The following TMEM132D variants were observed in gnomAD, a reference collection of about 807,000 sequenced individuals.
TMEM132D encodes mature OL transmembrane protein.
A neutral mutation model predicts 62.3 loss-of-function variants in TMEM132D; 21 were observed. That is an observed-to-expected ratio of 0.34 (90% CI 0.24 to 0.49). TMEM132D has a LOEUF of 0.49. Ranked by LOEUF, TMEM132D falls within the 20% of genes least tolerant of loss-of-function variation. The pLI is 0.99. For missense variants in TMEM132D, 1,346 were observed against 1,402.8 expected (o/e 0.96, Z 0.65); for synonymous variants, 621 against 575.6 (o/e 1.08, Z -1.13).
At chr12:129,434,578 G>A (rs528881782) in intron 3 of TMEM132D, among the ~76,000 whole-genome samples, 1 of 152,202 alleles carries the variant, frequency 6.6e-6, no homozygotes, top group South Asian at 2.1e-4. Context: ...CTGCAGAGGA[G>A]GCTCCCAGAG....
At chr12:129,432,309 GGATGGATGCTTGGATGGATGGATGGAT>G (rs1872684517) in intron 3 of TMEM132D, among the ~76,000 whole-genome samples, 1 of 149,078 alleles carries the variant, frequency 6.7e-6, no homozygotes, top group Admixed American at 6.7e-5. Flanking sequence ...ATGGATGGAT[GGATGGATGCTTGGATGGATGGATGGAT>G]GGATGGATGG....
chr12:129,248,965 AC>A (rs1252601491), intron 4 of TMEM132D, among the ~76,000 whole-genome samples: 1 of 152,106 alleles, frequency 6.6e-6, no homozygotes, highest in Non-Finnish European at 1.5e-5. Flanking sequence ...TATTATAAAG[AC>A]CCATGTAGGC....
intron 3 of TMEM132D, among the ~76,000 whole-genome samples, chr12:129,498,487 C>G (rs1875030539): frequency 6.6e-6 from 1 of 152,162 alleles, no homozygotes; most frequent in Non-Finnish European, 1.5e-5. Context: ...CTCCTGGCCT[C>G]AAGTGATCCA....
intron 2 of TMEM132D, among the ~76,000 whole-genome samples, chr12:129,603,311 C>T (rs1878531119): frequency 6.6e-6 from 1 of 152,202 alleles, no homozygotes. Context: ...CATCTCTCCC[C>T]AACCCAATTC....
At position 129,074,671 on chromosome 12, in the gene TMEM132D, C is replaced by T. The variant is rs2135604127; in HGVS notation, c.2504G>A (p.Gly835Glu). 6.2e-7 allele frequency: 1 copy of T among 1,614,102 alleles called. No homozygotes were observed. Among genetic ancestry groups the T allele is most frequent in the Non-Finnish European group, 8.5e-7 (1 of 1,180,016 alleles). The change falls in exon 9 of 9, where the codon GGG becomes GAG. Residue 835 changes from glycine to glutamate, a missense_variant. Gly to Glu is a moderately conservative substitution (Grantham distance 98). Transcript: ENST00000422113. ...GCCATAGTACTGTCCTTCCTGACTCCCCCATTCCTGCGAGGGTTTTTTGGG... is the reference window on the plus strand; with the variant it reads ...GCCATAGTACTGTCCTTCCTGACTCTCCCATTCCTGCGAGGGTTTTTTGGG... ...RRPKKPSQEW[G>E]SQEGQYYGSS...
At chr12:129,797,515 T>C (rs1415303821) in intron 1 of TMEM132D, among the ~76,000 whole-genome samples, 1 of 152,176 alleles carries the variant, frequency 6.6e-6, no homozygotes, top group African/African-American at 2.4e-5. Context: ...GCACAGCTGA[T>C]CAGACCCAGA....
intron 5 of TMEM132D, among the ~76,000 whole-genome samples, chr12:129,134,066 T>C (rs1876462761): frequency 6.6e-6 from 1 of 150,888 alleles, no homozygotes; most frequent in African/African-American, 2.4e-5. Flanking sequence ...CCATAGAGTA[T>C]TGTGTTGTGT....
intron 1 of TMEM132D, among the ~76,000 whole-genome samples, chr12:129,796,062 C>T (rs959235245): frequency 1.1e-4 from 17 of 151,980 alleles, no homozygotes; most frequent in African/African-American, 2.2e-4. Flanking sequence ...GGGCCAGGTG[C>T]GGTGGCTCAC....
At chr12:129,220,225 C>G (rs949350520) in intron 4 of TMEM132D, among the ~76,000 whole-genome samples, 1 of 152,078 alleles carries the variant, frequency 6.6e-6, no homozygotes, top group Non-Finnish European at 1.5e-5. Flanking sequence ...AGTGGGCCAC[C>G]AAGAACCTGC....
intron 1 of TMEM132D, among the ~76,000 whole-genome samples, chr12:129,758,683 G>A (rs574506235): frequency 1.3e-5 from 2 of 152,260 alleles, no homozygotes; most frequent in Admixed American, 6.5e-5. Context: ...TTCTGTACTT[G>A]TTTAAAATAC....
At chr12:129,378,604 G>T (rs1472568641) in intron 3 of TMEM132D, among the ~76,000 whole-genome samples, 1 of 152,116 alleles carries the variant, frequency 6.6e-6, no homozygotes, top group African/African-American at 2.4e-5. Context: ...TCCTTCTCAG[G>T]TCTGTCTGCC....
At chr12:129,518,952 TAC>T (rs1470524695) in intron 3 of TMEM132D, among the ~76,000 whole-genome samples, 1 of 152,218 alleles carries the variant, frequency 6.6e-6, no homozygotes, top group African/African-American at 2.4e-5. Flanking sequence ...ATCTCTTTTC[TAC>T]ATAGGAAGTT....
Position 129,531,211 on chromosome 12 carries a change from G to A in TMEM132D, c.969-6C>T. Reference sequence around the variant, plus strand: ...CGCCTTTCTTCACCTTTGCCCTGTTGGAGACAGCACGTGTGGGTCTGAGTC... The same window carrying A: ...CGCCTTTCTTCACCTTTGCCCTGTTAGAGACAGCACGTGTGGGTCTGAGTC... On this transcript the variant is annotated splice_polypyrimidine_tract_variant and splice_region_variant and intron_variant, in intron 2 of 8. Coordinates refer to ENST00000422113, the MANE Select transcript of TMEM132D (RefSeq NM_133448.3). 6.2e-7 allele frequency: 1 copy of A among 1,606,388 alleles called. No individual in the cohort carries two copies. The highest frequency in any genetic ancestry group is 1.7e-5 in the Admixed American group (1 of 59,692).
At chr12:129,267,917 A>C (rs1880739724) in intron 4 of TMEM132D, among the ~76,000 whole-genome samples, 1 of 152,206 alleles carries the variant, frequency 6.6e-6, no homozygotes, top group Non-Finnish European at 1.5e-5. Context: ...GAACCTGACA[A>C]AAACAAGCAA....
chr12:129,523,021 A>C (rs989568540), intron 3 of TMEM132D, among the ~76,000 whole-genome samples: 4 of 152,198 alleles, frequency 2.6e-5, no homozygotes, highest in African/African-American at 9.6e-5. Flanking sequence ...ATACAGACAT[A>C]GAAATTTTTT....
intron 2 of TMEM132D, among the ~76,000 whole-genome samples, chr12:129,594,142 A>G (rs1878269462): frequency 6.6e-6 from 1 of 152,230 alleles, no homozygotes; most frequent in South Asian, 2.1e-4. Flanking sequence ...GGAATGGTTC[A>G]GAGCCACAAC....
intron 1 of TMEM132D, among the ~76,000 whole-genome samples, chr12:129,753,842 A>G (rs151094276): frequency 2.0e-5 from 3 of 152,156 alleles, no homozygotes; most frequent in African/African-American, 7.2e-5. Context: ...GTATTACTTC[A>G]TTTTTCCCCC....
At chr12:129,747,286 G>A (rs1458665034) in intron 1 of TMEM132D, among the ~76,000 whole-genome samples, 2 of 73,690 alleles carry the variant, frequency 2.7e-5, no homozygotes, top group African/African-American at 8.4e-5. Flanking sequence ...CTTTCCATCC[G>A]CCTCAAGTTG....
intron 7 of TMEM132D, among the ~76,000 whole-genome samples, chr12:129,080,110 C>A (rs1874404087): frequency 6.6e-6 from 1 of 152,172 alleles, no homozygotes; most frequent in Non-Finnish European, 1.5e-5. Context: ...GTGGAGGTTG[C>A]AAGCTCTCAT....
Sources: gnomAD v4.1 joint callset for allele counts (sites outside exome capture counted in the v4.1 genomes callset) on GRCh38, gnomAD v4.1.1 for gene constraint, MANE v1.5 for transcripts, NCBI Gene and HGNC (gene_info 2026-07-23, HGNC 2026-07-21) for gene names.